The following LARP6 variants were observed in gnomAD, a reference collection of about 807,000 sequenced individuals.
The protein encoded by LARP6 is La ribonucleoprotein 6, translational regulator.
In LARP6, 18 loss-of-function variants were observed where a neutral mutation model predicts 32.8. The observed-to-expected ratio is 0.55, with a 90% CI of 0.38 to 0.81. The LOEUF is 0.81. Among genes scored for constraint, LARP6 ranks in the 40% least tolerant of loss-of-function variants. The pLI is 0.00. For missense variants in LARP6, 598 were observed against 663.1 expected (o/e 0.90, Z 1.08); for synonymous variants, 289 against 267.2 (o/e 1.08, Z -0.80).
chr15:70,838,853 C>G (rs552876551), intron 1 of LARP6, among the ~76,000 whole-genome samples: 1 of 139,840 alleles, frequency 7.2e-6, no homozygotes, highest in Non-Finnish European at 1.5e-5. Context: ...TCGCTTAAAG[C>G]TGGAAAAGAC....
At chr15:70,845,647 C>A (rs2032332328) in intron 1 of LARP6, among the ~76,000 whole-genome samples, 1 of 152,372 alleles carries the variant, frequency 6.6e-6, no homozygotes, top group South Asian at 2.1e-4. Flanking sequence ...CTGTACACAG[C>A]CCACACTTAG....
chr15:70,851,130 G>A (rs150408823), intron 1 of LARP6, among the ~76,000 whole-genome samples: 9 of 152,266 alleles, frequency 5.9e-5, no homozygotes, highest in Non-Finnish European at 1.0e-4. Context: ...TTTCTCAGTT[G>A]CAATAATAGT....
intron 1 of LARP6, among the ~76,000 whole-genome samples, chr15:70,852,990 T>A (rs1471110610): frequency 6.6e-6 from 1 of 152,192 alleles, no homozygotes; most frequent in African/African-American, 2.4e-5. Context: ...GAGCTCCTAA[T>A]AAGTGCCTGT....
chr15:70,842,658 T>C (rs2032278354), intron 1 of LARP6, among the ~76,000 whole-genome samples: 1 of 152,208 alleles, frequency 6.6e-6, no homozygotes, highest in Admixed American at 6.5e-5. Context: ...GCATTCTATC[T>C]GGGAAGCTGA....
intron 1 of LARP6, among the ~76,000 whole-genome samples, chr15:70,838,504 A>G (rs1397652415): frequency 6.6e-6 from 1 of 152,072 alleles, no homozygotes; most frequent in East Asian, 1.9e-4. Context: ...CCTGTAATGG[A>G]CTCTGGAAAC....
chr15:70,832,658 C>T lies in LARP6; in HGVS notation c.870G>A (p.Leu290=). The part of the protein sequence containing the change: ...SQGKENMKAV[L]IGMKPPKKKP... ...TCTTTTTGGGTGGCTTCATACCAAT[C>T]AGGACAGCTTTCATGTTCTCTTTGC... Residue 290 remains leucine (L), a synonymous_variant, in exon 3 of 3, where the codon CTG becomes CTA. Transcript: ENST00000299213. The T allele has an allele frequency of 1.9e-6, 3 of 1,609,838 alleles. No individual in the cohort carries two copies. The highest frequency in any genetic ancestry group is 2.5e-6 in the Non-Finnish European group (3 of 1,178,924).
At chr15:70,849,194 TA>T (rs2032402373) in intron 1 of LARP6, 1 of 151,966 alleles carries the variant, frequency 6.6e-6, no homozygotes, top group Non-Finnish European at 1.5e-5. Context: ...CCGTCTCTAT[TA>T]AAAATACAAA....
At chr15:70,837,566 A>G (rs1195905414) in intron 1 of LARP6, among the ~76,000 whole-genome samples, 4 of 152,198 alleles carry the variant, frequency 2.6e-5, no homozygotes, top group South Asian at 2.1e-4. Flanking sequence ...AAGATCATCC[A>G]TATTTATTAA....
intron 1 of LARP6, among the ~76,000 whole-genome samples, chr15:70,843,773 A>G (rs1191660347): frequency 6.9e-6 from 1 of 144,420 alleles, no homozygotes; most frequent in East Asian, 2.0e-4. Flanking sequence ...CTTCTGTCTC[A>G]GCCTCCTGAG....
At chr15:70,848,216 G>A (rs2032382179) in intron 1 of LARP6, among the ~76,000 whole-genome samples, 1 of 152,168 alleles carries the variant, frequency 6.6e-6, no homozygotes, top group Non-Finnish European at 1.5e-5. Flanking sequence ...CACATGTTAT[G>A]CTTGCGTGGC....
At chr15:70,836,773 C>T (rs1195199362) in intron 1 of LARP6, among the ~76,000 whole-genome samples, 3 of 152,118 alleles carry the variant, frequency 2.0e-5, no homozygotes, top group Non-Finnish European at 4.4e-5. Flanking sequence ...AAGGGAGAGA[C>T]TGGGGTGATG....
chr15:70,851,327 C>T, intron 1 of LARP6: 9 of 466,970 alleles, frequency 1.9e-5, no homozygotes, highest in African/African-American at 4.0e-5. Context: ...ACTATTTTTT[C>T]ATATTTTCTT....
intron 2 of LARP6, among the ~76,000 whole-genome samples, chr15:70,833,678 C>CT (rs1244155791): frequency 1.1e-4 from 16 of 152,342 alleles, no homozygotes; most frequent in African/African-American, 3.6e-4. Context: ...GCTATCATTA[C>CT]TTCCAATATT....
rs183463164 is a variant in LARP6 at position 70,845,117 on chromosome 15, T to C, written c.201-8612A>G. On this transcript the variant is annotated intron_variant, in intron 1 of 2. Coordinates refer to ENST00000299213, the MANE Select transcript of LARP6 (RefSeq NM_018357.4). ...CTCTGTTATAAATATCTTGCATTAG[T>C]ATGGTACATGTGTTACAACCAATGA... is the stretch of plus-strand genomic sequence containing the variant. 1.6e-3 allele frequency among the ~76,000 whole-genome samples: 247 copies of C among 152,342 alleles called. 1 individual carries two copies. The highest frequency in any genetic ancestry group is 6.8e-3 in the Middle Eastern group (2 of 294).
Position 70,831,699 on chromosome 15 carries a change from T to C in LARP6, c.*353A>G, listed in dbSNP as rs1595948650. The C allele has an allele frequency of 5.9e-6, 1 of 168,128 alleles. No individual in the cohort carries two copies. The highest frequency in any genetic ancestry group is 1.7e-4 in the East Asian group (1 of 5,958). 10.4% of individuals were successfully genotyped at this position (168,128 alleles called of 1,614,324 possible). On this transcript the variant is annotated 3_prime_UTR_variant, in exon 3 of 3. Transcript: ENST00000299213. ...GCATGGCCTATCGAGGACAGCTCAG[T>C]CACTGAAGGGAAAAATTCCATACCA... is the stretch of plus-strand genomic sequence containing the variant.
intron 2 of LARP6, among the ~76,000 whole-genome samples, chr15:70,833,831 T>C (rs1403083264): frequency 2.6e-5 from 4 of 152,230 alleles, no homozygotes; most frequent in Non-Finnish European, 2.9e-5. Flanking sequence ...GAGAATGACA[T>C]GGACTACTTC....
rs527904086 is a variant in LARP6, at chr15:70,842,964, T to C, written c.201-6459A>G. ...CAGGAGCAGGCTGCATTGTTTCCTG[T>C]TTGTGAAATAGCCTTCAAATGGGAA... is the stretch of plus-strand genomic sequence containing the variant. On this transcript the variant is annotated intron_variant, in intron 1 of 2. Coordinates refer to ENST00000299213, the MANE Select transcript of LARP6 (RefSeq NM_018357.4). Among the ~76,000 whole-genome samples the C allele has an allele frequency of 6.6e-5, 10 of 152,314 alleles. No individual in the cohort carries two copies. In the South Asian group the frequency reaches 2.1e-3, roughly 32 times the overall value.
At chr15:70,835,545 A>T (rs2698034) in intron 2 of LARP6, among the ~76,000 whole-genome samples, 151,390 of 152,362 alleles carry the variant, frequency 0.99, 75,221 homozygotes, top group Middle Eastern at 1. Context: ...CCTCCAGTGC[A>T]CTCTGACAAA....
chr15:70,844,439 G>T (rs1285830340), intron 1 of LARP6, among the ~76,000 whole-genome samples: 42 of 151,750 alleles, frequency 2.8e-4, no homozygotes, highest in Admixed American at 2.8e-3. Context: ...TTTTGCCATG[G>T]TTCATAATAT....
Sources: allele counts gnomAD v4.1 joint callset (sites outside exome capture counted in the v4.1 genomes callset), GRCh38; gene constraint gnomAD v4.1.1; transcripts MANE v1.5; gene names NCBI Gene and HGNC (gene_info 2026-07-23, HGNC 2026-07-21).